The following CCDC112 variants were observed in gnomAD, a reference collection of about 807,000 sequenced individuals.
CCDC112 encodes coiled-coil domain-containing protein 112.
A neutral mutation model predicts 66.3 loss-of-function variants in CCDC112; 40 were observed. The observed-to-expected ratio is 0.60, with a 90% CI of 0.47 to 0.79. The LOEUF is 0.79. Among genes scored for constraint, CCDC112 ranks in the 30% least tolerant of loss-of-function variants. The probability of loss-of-function intolerance (pLI) is 0.00; values close to 1 mark genes in which losing one functional copy is unlikely to be tolerated. For synonymous variants in CCDC112, 214 were observed against 197.2 expected (o/e 1.09, Z -0.71); for missense variants, 659 against 603.8 (o/e 1.09, Z -0.96).
intron 8 of CCDC112, 24 bp from the exon 9 acceptor site, chr5:115,269,024 C>A: frequency 7.3e-7 from 1 of 1,365,952 alleles, no homozygotes; most frequent in Non-Finnish European, 1.0e-6. Flanking sequence ...TAAAATAGTA[C>A]CAGTTAATTA....
chr5:115,281,538 G>T (rs1442589024), intron 2 of CCDC112, among the ~76,000 whole-genome samples: 1 of 152,212 alleles, frequency 6.6e-6, no homozygotes, highest in African/African-American at 2.4e-5. Context: ...TGAGTCCTGT[G>T]TTGAGGACTG....
intron 1 of CCDC112, among the ~76,000 whole-genome samples, chr5:115,285,117 A>G (rs915493450): frequency 5.3e-5 from 8 of 152,346 alleles, no homozygotes; most frequent in African/African-American, 1.9e-4. Context: ...ACTGAGTAAG[A>G]AATGTTAAAT....
chr5:115,277,451 T>C (rs1317418759), intron 3 of CCDC112, among the ~76,000 whole-genome samples: 3 of 152,220 alleles, frequency 2.0e-5, no homozygotes, highest in African/African-American at 7.2e-5. Context: ...CTTAACTCTA[T>C]TGTGGGAATA....
At position 115,275,739 on chromosome 5, in the gene CCDC112, C is replaced by T. The variant is rs1363360031; in HGVS notation, c.528-133G>A. ...ATTATTAACATTTATAAATTTAAGC[C>T]TTAAAAGAGTCTCCTCAGAGATAAA... On this transcript the variant is annotated intron_variant, in intron 5 of 9. Coordinates refer to ENST00000379611, the MANE Select transcript of CCDC112 (RefSeq NM_001040440.3). 3 of 734,828 alleles carry T rather than the reference C, an allele frequency of 4.1e-6. No individual in the cohort carries two copies. The African/African-American group carries it at 5.4e-5, about 13-fold the overall frequency. The allele number at this position is 734,828 out of a possible 1,614,324, so 45.5% of individuals were successfully genotyped here. A position where few individuals can be genotyped will look rare whatever the true frequency, so the allele number is the denominator to read the frequency against.
In CCDC112 at chr5:115,271,472, A is replaced by C. The variant is rs1185028601; in HGVS notation, c.1073T>G (p.Val358Gly). Residue 358 changes from valine to glycine, a missense_variant, in exon 7 of 10, where the codon GTT becomes GGT. Coordinates refer to ENST00000379611, the MANE Select transcript of CCDC112 (RefSeq NM_001040440.3). ...ACTTTTCTGTTTCTTCCAAGCTTCAACTGCCAATTTCTGTTTCTTTCTTTG... is the reference window on the plus strand; with the variant it reads ...ACTTTTCTGTTTCTTCCAAGCTTCACCTGCCAATTTCTGTTTCTTTCTTTG... ...EEQRKKQKLA[V>G]EAWKKQKSIE... 1 of 1,612,766 alleles carries C rather than the reference A, an allele frequency of 6.2e-7. No homozygotes were observed. Among genetic ancestry groups the C allele is most frequent in the African/African-American group, 1.3e-5 (1 of 74,842 alleles).
intron 2 of CCDC112, among the ~76,000 whole-genome samples, chr5:115,281,697 A>T (rs951699437): frequency 1.3e-5 from 2 of 152,222 alleles, no homozygotes; most frequent in African/African-American, 4.8e-5. Context: ...TTTTTCCTGG[A>T]TTAGAAATAT....
chr5:115,278,416 T>A (rs1484854368), intron 3 of CCDC112, among the ~76,000 whole-genome samples: 1 of 151,858 alleles, frequency 6.6e-6, no homozygotes, highest in Non-Finnish European at 1.5e-5. Flanking sequence ...CATTCTTTAC[T>A]CTCCTAGACA....
chr5:115,283,412 T>G (rs1240659797), intron 2 of CCDC112, among the ~76,000 whole-genome samples: 1 of 152,126 alleles, frequency 6.6e-6, no homozygotes, highest in Non-Finnish European at 1.5e-5. Context: ...CTTATTTCAC[T>G]TAACATAATG....
chr5:115,270,181 G>C (rs531473506), intron 7 of CCDC112, among the ~76,000 whole-genome samples: 2 of 152,086 alleles, frequency 1.3e-5, no homozygotes, highest in South Asian at 2.1e-4. Context: ...TGGGGTGTAT[G>C]AGGAGGAATG....
intron 8 of CCDC112, 137 bp downstream of exon 8, chr5:115,269,566 T>C (rs1748911840): frequency 6.5e-6 from 4 of 613,104 alleles, no homozygotes; most frequent in Non-Finnish European, 1.1e-5. Context: ...TGCTTGCTAA[T>C]ATGTAAATAA....
chr5:115,296,345 G>C, intron 1 of CCDC112, 82 bp downstream of exon 1: 1 of 1,413,220 alleles, frequency 7.1e-7, no homozygotes, highest in Non-Finnish European at 9.2e-7. Context: ...CCTCCCGCCG[G>C]CGCTGCAGAG....
intron 1 of CCDC112, among the ~76,000 whole-genome samples, chr5:115,287,482 T>C (rs1459438809): frequency 6.6e-6 from 1 of 152,096 alleles, no homozygotes; most frequent in Non-Finnish European, 1.5e-5. Flanking sequence ...AAAATAAAAA[T>C]GGAGTTACTC....
chr5:115,296,089 A>C, intron 1 of CCDC112: 5 of 1,028,964 alleles, frequency 4.9e-6, no homozygotes, highest in Non-Finnish European at 5.8e-6. Flanking sequence ...CTCCCCAGAC[A>C]TAACGTTAGT....
rs566690982 is a variant in CCDC112, at chr5:115,276,367, AC to A, written c.452-299del. Among the ~76,000 whole-genome samples, 19 of 152,276 alleles carry A rather than the reference AC, an allele frequency of 1.2e-4. No homozygotes were observed. In the South Asian group the frequency reaches 3.9e-3, roughly 32 times the overall value. ...CAACAAGTGAAAGATCAAAGGTTTG[AC>A]CCAACACCTGTCTGATTCCTAAGTC... On this transcript the variant is annotated intron_variant, in intron 4 of 9. Coordinates refer to ENST00000379611, the MANE Select transcript of CCDC112 (RefSeq NM_001040440.3).
At chr5:115,270,056 TAATCCCATTTTCATTCATC>T (rs781297979) in intron 7 of CCDC112, among the ~76,000 whole-genome samples, 3 of 152,134 alleles carry the variant, frequency 2.0e-5, no homozygotes, top group Non-Finnish European at 4.4e-5. Flanking sequence ...ATAGGTGAGT[TAATCCCATTTTCATTCATC>T]AATGCAGGTA....
At position 115,276,085 on chromosome 5, in the gene CCDC112, G is replaced by A. The variant is rs566266067; in HGVS notation, c.452-16C>T. 3.2e-5 allele frequency: 50 copies of A among 1,565,104 alleles called. 1 individual carries two copies. Among genetic ancestry groups the A allele is most frequent in the South Asian group, 2.4e-4 (20 of 83,846 alleles). ...TTCTCAACAACTGTAAAAGAAACAC[G>A]GAAAATTATTTTGTGCCATTTTCCC... On this transcript the variant is annotated splice_polypyrimidine_tract_variant and intron_variant, in intron 4 of 9. Transcript: ENST00000379611.
intron 9 of CCDC112, among the ~76,000 whole-genome samples, chr5:115,268,611 G>A (rs931042711): frequency 2.7e-5 from 4 of 148,492 alleles, no homozygotes; most frequent in African/African-American, 9.9e-5. Flanking sequence ...AAATAAAAGT[G>A]ACCTGAAAGG....
At chr5:115,275,640 A>G (rs1749177597) in intron 5 of CCDC112, 34 bp from the exon 6 acceptor site, 1 of 1,435,660 alleles carries the variant, frequency 7.0e-7, no homozygotes, top group Non-Finnish European at 9.5e-7. Context: ...GAATAAGAAG[A>G]CAATCCATAT....
intron 1 of CCDC112, among the ~76,000 whole-genome samples, chr5:115,288,224 G>A (rs770372327): frequency 6.6e-5 from 10 of 152,186 alleles, no homozygotes; most frequent in South Asian, 4.1e-4. Flanking sequence ...CAGGTGATCC[G>A]CCTGCCTTGG....
Sources: allele counts gnomAD v4.1 joint callset (sites outside exome capture counted in the v4.1 genomes callset), GRCh38; gene constraint gnomAD v4.1.1; transcripts MANE v1.5; gene names NCBI Gene and HGNC (gene_info 2026-07-23, HGNC 2026-07-21).